LMF1: variants seen among roughly 807,000 people sequenced by gnomAD.
LMF1 encodes the protein transmembrane protein 112.
LMF1 carries 68 observed loss-of-function variants against 60.6 expected under a neutral mutation model. The observed-to-expected ratio is 1.12, with a 90% CI of 0.92 to 1.37. The LOEUF is 1.37. Among genes scored for constraint, LMF1 ranks in the 40% most tolerant of loss-of-function variants. LMF1 has a pLI of 0.00. For synonymous variants in LMF1, 418 were observed against 324.7 expected (o/e 1.29, Z -3.09); for missense variants, 948 against 767.2 (o/e 1.24, Z -2.78).
At position 874,884 on chromosome 16, in the gene LMF1, G is replaced by GCCCCACACCATATCAT. The variant is rs1227113019; in HGVS notation, c.898-3559_898-3544dup. The stretch of plus-strand genomic sequence containing the variant: ...TGTTAGAGGGCGCGGGTCACTCTCA[G>GCCCCACACCATATCAT]CCCCACACCATATCATCCCCCAGAC... On this transcript the variant is annotated intron_variant, in intron 6 of 10. Coordinates refer to ENST00000262301, the MANE Select transcript of LMF1 (RefSeq NM_022773.4). This position sits in a 1 kb window ranked among gnomAD's most constrained non-coding sequence, Gnocchi z 4.1. Among the ~76,000 whole-genome samples, 3 of 152,110 alleles carry GCCCCACACCATATCAT rather than the reference G, an allele frequency of 2.0e-5. No individual in the cohort carries two copies. Among genetic ancestry groups the GCCCCACACCATATCAT allele is most frequent in the East Asian group, 1.9e-4 (1 of 5,190 alleles).
chr16:936,566 G>T (rs1364883498), intron 2 of LMF1, among the ~76,000 whole-genome samples: 1 of 149,448 alleles, frequency 6.7e-6, no homozygotes, highest in East Asian at 2.0e-4. Context: ...GAAGCTGGCT[G>T]GGAGGGAGAG....
intron 4 of LMF1, among the ~76,000 whole-genome samples, chr16:906,305 G>A (rs994540367): frequency 2.0e-5 from 3 of 152,170 alleles, no homozygotes; most frequent in African/African-American, 7.2e-5. Context: ...ACTGATCCTG[G>A]GTGTGTCTGT....
intron 5 of LMF1, among the ~76,000 whole-genome samples, chr16:891,443 G>C (rs1314839094): frequency 6.6e-6 from 1 of 152,234 alleles, no homozygotes; most frequent in East Asian, 1.9e-4. Flanking sequence ...CTTGCCAATG[G>C]AAAGCTGTGC....
chr16:896,852 G>C (rs1346585975), intron 4 of LMF1, among the ~76,000 whole-genome samples: 1 of 152,206 alleles, frequency 6.6e-6, no homozygotes, highest in Admixed American at 6.5e-5. Context: ...AATTCTTTCA[G>C]GAGTGGAGGA....
intron 5 of LMF1, among the ~76,000 whole-genome samples, chr16:888,369 A>G (rs1434617328): frequency 6.6e-6 from 1 of 152,222 alleles, no homozygotes; most frequent in Non-Finnish European, 1.5e-5. Flanking sequence ...TCCCCTAAAA[A>G]GCAATGGAGA....
At chr16:886,364 G>A (rs2070306351) in intron 5 of LMF1, among the ~76,000 whole-genome samples, 1 of 152,162 alleles carries the variant, frequency 6.6e-6, no homozygotes, top group African/African-American at 2.4e-5. Flanking sequence ...AGGACCCCAG[G>A]ACAAGCGGGA....
intron 2 of LMF1, among the ~76,000 whole-genome samples, chr16:953,110 C>A (rs1446870741): frequency 1.0e-4 from 12 of 116,476 alleles, no homozygotes; most frequent in African/African-American, 3.8e-4. Context: ...CACAGACACC[C>A]CAAACCAGCC....
rs146468644 is a variant in LMF1 at position 918,683 on chromosome 16, G to A, written c.515-7604C>T. 2.9e-3 allele frequency among the ~76,000 whole-genome samples: 446 copies of A among 152,212 alleles called. 2 individuals are homozygous for A. The highest frequency in any genetic ancestry group is 6.8e-3 in the Middle Eastern group (2 of 294). The stretch of plus-strand genomic sequence containing the variant: ...TCACGGGGTGTGCCTCAAGGGCCCC[G>A]GCCCTTCAGGCCTTGAGGCACTCAA... On this transcript the variant is annotated intron_variant, in intron 3 of 10. Coordinates refer to ENST00000262301, the MANE Select transcript of LMF1 (RefSeq NM_022773.4).
At chr16:892,672 A>C (rs1438477236) in intron 5 of LMF1, among the ~76,000 whole-genome samples, 8 of 152,228 alleles carry the variant, frequency 5.3e-5, no homozygotes, top group Admixed American at 5.2e-4. Flanking sequence ...GGCACCTGTC[A>C]GGGGACGGTG....
rs754907680 is a variant in LMF1, at chr16:879,744, G to A, written c.730-7C>T. ...GATTGGGCATCGGCTGGGTCTGCAG[G>A]GACAGGAGGGGCCGTGAGGTGCCTG... On this transcript the variant is annotated splice_polypyrimidine_tract_variant and splice_region_variant and intron_variant, in intron 5 of 10. Transcript: ENST00000262301. 3.8e-5 allele frequency: 60 copies of A among 1,573,590 alleles called. No individual in the cohort carries two copies. The African/African-American group carries it at 7.8e-4, about 21-fold the overall frequency.
At chr16:892,500 G>A (rs2070519604) in intron 5 of LMF1, among the ~76,000 whole-genome samples, 1 of 152,246 alleles carries the variant, frequency 6.6e-6, no homozygotes, top group Non-Finnish European at 1.5e-5. Context: ...GCAGGAACTG[G>A]GGCGTCTGAA....
chr16:963,268 C>T (rs1366492234), intron 1 of LMF1, among the ~76,000 whole-genome samples: 2 of 152,092 alleles, frequency 1.3e-5, no homozygotes, highest in African/African-American at 2.4e-5. Flanking sequence ...GACCTCCTAG[C>T]AACATAGAGG....
At chr16:892,786 A>G (rs555830985) in intron 5 of LMF1, among the ~76,000 whole-genome samples, 56 of 152,250 alleles carry the variant, frequency 3.7e-4, no homozygotes, top group African/African-American at 1.3e-3. Flanking sequence ...AACCAGCTGC[A>G]CTCGAGACCA....
At chr16:858,640 TGGTGTCTCGG>T (rs2069296307) in intron 10 of LMF1, among the ~76,000 whole-genome samples, 2 of 68,452 alleles carry the variant, frequency 2.9e-5, no homozygotes, top group African/African-American at 8.5e-5. Context: ...GGGTGTGCAG[TGGTGTCTCGG>T]GACGGGTGTG....
rs1468469742 is a variant in LMF1, at chr16:899,727, C to G, written c.664-6655G>C. On this transcript the variant is annotated intron_variant, in intron 4 of 10. Coordinates refer to ENST00000262301, the MANE Select transcript of LMF1 (RefSeq NM_022773.4). ...CCACACCTCCCATGGGCTGCGGACCCTCTGGCAGGCTCGGGGGTGAAGCAT... is the reference window on the plus strand; with the variant it reads ...CCACACCTCCCATGGGCTGCGGACCGTCTGGCAGGCTCGGGGGTGAAGCAT... 2.0e-5 allele frequency: 3 copies of G among 152,262 alleles called. No individual in the cohort carries two copies. In the East Asian group the frequency reaches 5.8e-4, roughly 29 times the overall value. 9.4% of individuals were successfully genotyped at this position (152,262 alleles called of 1,614,324 possible). A position where few individuals can be genotyped will look rare whatever the true frequency, so the allele number is the denominator to read the frequency against.
intron 3 of LMF1, among the ~76,000 whole-genome samples, chr16:912,993 G>T (rs2071163832): frequency 6.6e-6 from 1 of 152,206 alleles, no homozygotes; most frequent in Non-Finnish European, 1.5e-5. Flanking sequence ...CGAGCCCCAG[G>T]CACCCGAACG....
chr16:948,744 G>A (rs2072329893), intron 2 of LMF1, among the ~76,000 whole-genome samples: 1 of 111,912 alleles, frequency 8.9e-6, no homozygotes, highest in South Asian at 3.3e-4. Flanking sequence ...AGTCAGAGAC[G>A]ACAGAGTCAG....
At chr16:979,530 C>T (rs1374458586) in intron 1 of LMF1, 1 of 416,648 alleles carries the variant, frequency 2.4e-6, no homozygotes, top group East Asian at 7.1e-5. Flanking sequence ...CCACCGTGCC[C>T]CAGAGTCAGG....
chr16:948,743 C>T (rs1443773518), intron 2 of LMF1, among the ~76,000 whole-genome samples: 7 of 138,526 alleles, frequency 5.1e-5, no homozygotes, highest in Non-Finnish European at 7.7e-5. Flanking sequence ...GAGTCAGAGA[C>T]GACAGAGTCA....
Sources: allele counts gnomAD v4.1 joint callset (sites outside exome capture counted in the v4.1 genomes callset), GRCh38; gene constraint gnomAD v4.1.1; non-coding constraint Gnocchi (gnomAD v3.1); transcripts MANE v1.5; gene names NCBI Gene and HGNC (gene_info 2026-07-23, HGNC 2026-07-21).